The following SORL1 variants were observed in gnomAD, a reference collection of about 807,000 sequenced individuals.
The protein encoded by SORL1 is sortilin-related receptor.
A neutral mutation model predicts 273.7 loss-of-function variants in SORL1; 127 were observed. The observed-to-expected ratio is 0.46, with a 90% CI of 0.40 to 0.54. The LOEUF is 0.54. Among genes scored for constraint, SORL1 ranks in the 20% least tolerant of loss-of-function variants. The pLI, the probability that SORL1 is intolerant of heterozygous loss-of-function variation, is 0.00. For synonymous variants in SORL1, 1,031 were observed against 1,067.4 expected (o/e 0.97, Z 0.66); for missense variants, 2,494 against 2,846.1 (o/e 0.88, Z 2.81).
rs1375632694 is a variant in SORL1, at chr11:121,482,421, G to T, written c.528+4178G>T. 2.6e-5 allele frequency among the ~76,000 whole-genome samples: 4 copies of T among 152,220 alleles called. No homozygotes were observed. In the East Asian group the frequency reaches 7.7e-4, roughly 29 times the overall value. On this transcript the variant is annotated intron_variant, in intron 3 of 47. Transcript: ENST00000260197. ...GGAGAAAAAAGGCTGCCTTCTTGGA[G>T]AATTTGTTGACAGTTGGGCCTCAGG...
intron 41 of SORL1, 81 bp from the exon 42 acceptor site, chr11:121,618,693 G>C (rs1274570989): frequency 9.7e-6 from 15 of 1,550,264 alleles, no homozygotes; most frequent in Non-Finnish European, 1.2e-5. Context: ...AGCAGTTCCA[G>C]GGTCTTAAAT....
At chr11:121,497,121 C>T (rs1424326680) in intron 6 of SORL1, 72 bp downstream of exon 6, 1 of 1,334,958 alleles carries the variant, frequency 7.5e-7, no homozygotes, top group East Asian at 2.3e-5. Context: ...TGTGATTAAA[C>T]AGGTGAGTTT....
At chr11:121,540,448 G>A (rs890725129) in intron 12 of SORL1, among the ~76,000 whole-genome samples, 1 of 148,778 alleles carries the variant, frequency 6.7e-6, no homozygotes, top group Non-Finnish European at 1.5e-5. Flanking sequence ...AGGCTGAGGT[G>A]GGTGGATCAT....
intron 16 of SORL1, among the ~76,000 whole-genome samples, chr11:121,552,376 G>A (rs745991720): frequency 3.3e-5 from 5 of 152,224 alleles, no homozygotes; most frequent in Non-Finnish European, 5.9e-5. Context: ...CTGGAATGCC[G>A]CATGCTGCTC....
chr11:121,600,420 C>T (rs763150114), intron 32 of SORL1, among the ~76,000 whole-genome samples: 1 of 152,168 alleles, frequency 6.6e-6, no homozygotes, highest in Non-Finnish European at 1.5e-5. Context: ...AAAGTAGACT[C>T]CTAGAGTGTT....
rs139865139 is a variant in SORL1 at position 121,500,406 on chromosome 11, C to T, written c.939+3357C>T. Among the ~76,000 whole-genome samples the T allele has an allele frequency of 7.2e-5, 11 of 152,322 alleles. 1 individual carries two copies. The East Asian group carries it at 2.1e-3, about 29-fold the overall frequency. Reference sequence around the variant, plus strand: ...TGTGACCTTACAGATGATGCAGCCACCCACGCCTTGCATGCTGCAGACGCT... The same window carrying T: ...TGTGACCTTACAGATGATGCAGCCATCCACGCCTTGCATGCTGCAGACGCT... On this transcript the variant is annotated intron_variant, in intron 6 of 47. Coordinates refer to ENST00000260197, the MANE Select transcript of SORL1 (RefSeq NM_003105.6).
At chr11:121,509,803 A>G (rs1861848060) in intron 6 of SORL1, among the ~76,000 whole-genome samples, 1 of 152,204 alleles carries the variant, frequency 6.6e-6, no homozygotes, top group African/African-American at 2.4e-5. Flanking sequence ...CAGAAATGAA[A>G]ACACAAAATT....
At chr11:121,616,958 A>G (rs1863652199) in intron 41 of SORL1, among the ~76,000 whole-genome samples, 2 of 152,190 alleles carry the variant, frequency 1.3e-5, no homozygotes, top group South Asian at 2.1e-4. Flanking sequence ...GGACAACTCA[A>G]AGTGGGCATG....
At position 121,459,693 on chromosome 11, in the gene SORL1, G is replaced by T. The variant is rs184748752; in HGVS notation, c.285+7077G>T. Among the ~76,000 whole-genome samples, 377 of 152,350 alleles carry T rather than the reference G, an allele frequency of 2.5e-3. 2 individuals carry two copies. The highest frequency in any genetic ancestry group is 8.1e-3 in the African/African-American group (338 of 41,580). On this transcript the variant is annotated intron_variant, in intron 1 of 47. Coordinates refer to ENST00000260197, the MANE Select transcript of SORL1 (RefSeq NM_003105.6). ...CTAAGGTGGAGCGCAGACCCTGCAC[G>T]TTCTGTTTAGCAATGAAAGATGTAA...
intron 12 of SORL1, 123 bp from the exon 13 acceptor site, chr11:121,543,425 A>G: frequency 2.7e-6 from 2 of 728,218 alleles, no homozygotes; most frequent in Admixed American, 2.4e-5. Context: ...TCCCTGCCTT[A>G]GCCCAGGATC....
intron 8 of SORL1, among the ~76,000 whole-genome samples, chr11:121,515,476 A>G (rs1861937051): frequency 6.6e-6 from 1 of 151,958 alleles, no homozygotes; most frequent in South Asian, 2.1e-4. Context: ...AAGCACAGTG[A>G]CTCTGAGGCT....
chr11:121,498,940 A>T (rs904898917), intron 6 of SORL1, among the ~76,000 whole-genome samples: 3 of 151,880 alleles, frequency 2.0e-5, no homozygotes, highest in African/African-American at 7.3e-5. Flanking sequence ...TCTAACAGCT[A>T]TGTCTGTTCT....
chr11:121,500,335 G>C (rs1861692508), intron 6 of SORL1, among the ~76,000 whole-genome samples: 1 of 152,212 alleles, frequency 6.6e-6, no homozygotes, highest in Non-Finnish European at 1.5e-5. Context: ...TTGCACAAAT[G>C]TGTATCAGTA....
At chr11:121,618,008 A>G (rs1863664710) in intron 41 of SORL1, among the ~76,000 whole-genome samples, 2 of 152,234 alleles carry the variant, frequency 1.3e-5, no homozygotes, top group African/African-American at 2.4e-5. Flanking sequence ...CTTCAAGCTC[A>G]CCTCATGGTA....
At position 121,584,491 on chromosome 11, in the gene SORL1, A is replaced by G. The variant is rs1025302699; in HGVS notation, c.3706+908A>G. ...TTTCCCAGAAATGATTACTTTTTACAGGATTAAAACACATTTTCATACTTA... is the reference window on the plus strand; with the variant it reads ...TTTCCCAGAAATGATTACTTTTTACGGGATTAAAACACATTTTCATACTTA... On this transcript the variant is annotated intron_variant, in intron 26 of 47. Coordinates refer to ENST00000260197, the MANE Select transcript of SORL1 (RefSeq NM_003105.6). 1.1e-4 allele frequency among the ~76,000 whole-genome samples: 16 copies of G among 150,178 alleles called. 1 individual carries two copies. The highest frequency in any genetic ancestry group is 6.7e-4 in the South Asian group (3 of 4,482).
intron 2 of SORL1, among the ~76,000 whole-genome samples, chr11:121,477,731 T>G (rs1185413953): frequency 6.6e-6 from 1 of 152,128 alleles, no homozygotes; most frequent in Non-Finnish European, 1.5e-5. Flanking sequence ...GATGGGATGT[T>G]TGAAAGAGAT....
chr11:121,456,168 CT>C (rs1353663617), intron 1 of SORL1, among the ~76,000 whole-genome samples: 2 of 152,230 alleles, frequency 1.3e-5, no homozygotes, highest in African/African-American at 2.4e-5. Flanking sequence ...TCTTCCCCAA[CT>C]CTTGTCCTTG....
intron 31 of SORL1, among the ~76,000 whole-genome samples, chr11:121,594,834 G>A (rs572526680): frequency 6.6e-6 from 1 of 152,140 alleles, no homozygotes; most frequent in Admixed American, 6.5e-5. Context: ...CAACTTCGAG[G>A]TTCATGGCTG....
At chr11:121,509,231 C>G (rs1368364252) in intron 6 of SORL1, among the ~76,000 whole-genome samples, 1 of 151,894 alleles carries the variant, frequency 6.6e-6, no homozygotes, top group African/African-American at 2.4e-5. Context: ...ACTAGTGGCC[C>G]TGTGCTTCCC....
Sources: gnomAD v4.1 joint callset for allele counts (sites outside exome capture counted in the v4.1 genomes callset) on GRCh38, gnomAD v4.1.1 for gene constraint, MANE v1.5 for transcripts, NCBI Gene and HGNC (gene_info 2026-07-23, HGNC 2026-07-21) for gene names.